USP25: variants seen among roughly 807,000 people sequenced by gnomAD.
The protein encoded by USP25 is ubiquitin carboxyl-terminal hydrolase 25.
USP25 carries 85 observed loss-of-function variants against 158.5 expected under a neutral mutation model. The observed-to-expected ratio is 0.54, with a 90% CI of 0.45 to 0.64. The LOEUF is 0.64. Among genes scored for constraint, USP25 ranks in the 30% least tolerant of loss-of-function variants. The probability of loss-of-function intolerance (pLI) is 0.00; values close to 1 mark genes in which losing one functional copy is unlikely to be tolerated. For synonymous variants in USP25, 464 were observed against 460.4 expected (o/e 1.01, Z -0.10); for missense variants, 1,242 against 1,327.3 (o/e 0.94, Z 1.00).
chr21:15,878,938 A>C lies in USP25; in HGVS notation c.*463A>C, dbSNP rs2040201224. 1 of 152,836 alleles carries C rather than the reference A, an allele frequency of 6.5e-6. No individual in the cohort carries two copies. The highest frequency in any genetic ancestry group is 2.4e-5 in the African/African-American group (1 of 41,442). The allele number at this position is 152,836 out of a possible 1,614,324, so 9.5% of individuals were successfully genotyped here. A position where few individuals can be genotyped will look rare whatever the true frequency, so the allele number is the denominator to read the frequency against. Reference sequence around the variant, plus strand: ...GTGTTTGTAAGCAGGTATATTGTATATTAGTGTATTAGTAATACTAGATAA... The same window carrying C: ...GTGTTTGTAAGCAGGTATATTGTATCTTAGTGTATTAGTAATACTAGATAA... On this transcript the variant is annotated 3_prime_UTR_variant, in exon 26 of 26. Transcript: ENST00000400183.
At chr21:15,858,269 G>A (rs2039254996) in intron 20 of USP25, among the ~76,000 whole-genome samples, 1 of 151,870 alleles carries the variant, frequency 6.6e-6, no homozygotes, top group Non-Finnish European at 1.5e-5. Flanking sequence ...TTAACATGAA[G>A]CAGATAATTT....
rs2040067642 is a variant in USP25 at position 15,875,581 on chromosome 21, G to A, written c.3009+1055G>A. Among the ~76,000 whole-genome samples, 1 of 152,196 alleles carries A rather than the reference G, an allele frequency of 6.6e-6. No homozygotes were observed. The highest frequency in any genetic ancestry group is 2.4e-5 in the African/African-American group (1 of 41,454). ...TGCCATTATGAGAAATATGCACAAT[G>A]ATATGCCTGAAATATTTGGGAAGAA... is the stretch of plus-strand genomic sequence containing the variant. On this transcript the variant is annotated intron_variant, in intron 24 of 25. Coordinates refer to ENST00000400183, the MANE Select transcript of USP25 (RefSeq NM_001283041.3). The surrounding 1 kb of genome is among the most constrained non-coding windows in gnomAD (Gnocchi z 4.7).
At chr21:15,813,849 C>A (rs2036797001) in intron 9 of USP25, among the ~76,000 whole-genome samples, 1 of 151,978 alleles carries the variant, frequency 6.6e-6, no homozygotes, top group African/African-American at 2.4e-5. Flanking sequence ...AGGGATCTTG[C>A]TAAGGTTATT....
chr21:15,733,950 A>G (rs1038122027), intron 1 of USP25, among the ~76,000 whole-genome samples: 1 of 152,214 alleles, frequency 6.6e-6, no homozygotes, highest in South Asian at 2.1e-4. Flanking sequence ...ATAGATCTCA[A>G]CCACCTTTTT....
intron 23 of USP25, among the ~76,000 whole-genome samples, chr21:15,872,024 T>G (rs939122332): frequency 1.5e-4 from 22 of 143,498 alleles, no homozygotes; most frequent in South Asian, 8.8e-4. Flanking sequence ...GTTTTTTTTT[T>G]TTTTTTTTTT....
intron 1 of USP25, among the ~76,000 whole-genome samples, chr21:15,762,516 G>A (rs889721952): frequency 5.9e-5 from 9 of 152,098 alleles, no homozygotes; most frequent in Non-Finnish European, 1.3e-4. Context: ...CTTGCCGAAA[G>A]CATGTCTTTT....
chr21:15,836,230 C>T (rs903290601), intron 17 of USP25, among the ~76,000 whole-genome samples: 2 of 152,100 alleles, frequency 1.3e-5, no homozygotes, highest in Non-Finnish European at 2.9e-5. Context: ...AACATAAGAC[C>T]TCATAAAATT....
chr21:15,866,859 C>T (rs959522565), intron 22 of USP25, among the ~76,000 whole-genome samples: 4 of 152,088 alleles, frequency 2.6e-5, no homozygotes, highest in East Asian at 3.9e-4. Context: ...AAGTAACCTG[C>T]CTAAGGTTTT....
At chr21:15,751,833 T>C (rs1046802552) in intron 1 of USP25, among the ~76,000 whole-genome samples, 8 of 152,226 alleles carry the variant, frequency 5.3e-5, no homozygotes, top group Non-Finnish European at 1.0e-4. Flanking sequence ...TAGTGCTGAG[T>C]AACAGTATTT....
intron 1 of USP25, among the ~76,000 whole-genome samples, chr21:15,760,362 A>G (rs889596811): frequency 6.6e-6 from 1 of 152,206 alleles, no homozygotes; most frequent in Admixed American, 6.5e-5. Context: ...ATTCTGATGC[A>G]TGTTCCACTT....
chr21:15,744,832 C>T (rs2032391781), intron 1 of USP25: 1 of 152,402 alleles, frequency 6.6e-6, no homozygotes, highest in Admixed American at 6.5e-5. Flanking sequence ...AGGTGATCCA[C>T]CTGCCTCAGC....
At chr21:15,822,995 C>A (rs570396504) in intron 10 of USP25, among the ~76,000 whole-genome samples, 2 of 152,034 alleles carry the variant, frequency 1.3e-5, no homozygotes, top group Admixed American at 1.3e-4. Context: ...AGAAAAGTAG[C>A]AACTTTCCAG....
At chr21:15,808,769 TA>T in intron 7 of USP25, 39 bp from the exon 8 acceptor site, 1 of 1,496,628 alleles carries the variant, frequency 6.7e-7, no homozygotes, top group South Asian at 1.3e-5. Context: ...ATTTTTTTTT[TA>T]GTAGGCTCAA....
At chr21:15,753,911 G>A (rs1005577365) in intron 1 of USP25, among the ~76,000 whole-genome samples, 8 of 152,046 alleles carry the variant, frequency 5.3e-5, no homozygotes, top group African/African-American at 1.9e-4. Context: ...GGGGTTTGGG[G>A]CTTCTGGGAG....
chr21:15,732,753 T>G (rs1170497384), intron 1 of USP25, among the ~76,000 whole-genome samples: 2 of 152,222 alleles, frequency 1.3e-5, no homozygotes, highest in Non-Finnish European at 2.9e-5. Context: ...GTAAGTTTTT[T>G]TGTTGTTTGC....
intron 17 of USP25, 24 bp from the exon 18 acceptor site, chr21:15,842,374 A>T (rs1240233902): frequency 6.2e-7 from 1 of 1,610,166 alleles, no homozygotes; most frequent in East Asian, 2.2e-5. Flanking sequence ...TATTAGATAT[A>T]TAATTGATTC....
At chr21:15,811,080 T>C in intron 8 of USP25, 57 bp from the exon 9 acceptor site, 3 of 1,436,504 alleles carry the variant, frequency 2.1e-6, no homozygotes, top group East Asian at 2.3e-5. Flanking sequence ...TTTAATATTT[T>C]CTCTATTTAT....
chr21:15,797,136 A>G (rs1445117680), intron 5 of USP25, among the ~76,000 whole-genome samples: 1 of 151,376 alleles, frequency 6.6e-6, no homozygotes, highest in Admixed American at 6.6e-5. Context: ...CATCAAAGAG[A>G]TACTTTGGAT....
At chr21:15,761,723 G>A (rs1459134243) in intron 1 of USP25, among the ~76,000 whole-genome samples, 3 of 152,204 alleles carry the variant, frequency 2.0e-5, no homozygotes, top group African/African-American at 4.8e-5. Flanking sequence ...AACCCTGGAA[G>A]CATGCCAGTG....
Sources: gnomAD v4.1 joint callset for allele counts (sites outside exome capture counted in the v4.1 genomes callset) on GRCh38, gnomAD v4.1.1 for gene constraint, Gnocchi (gnomAD v3.1) non-coding constraint, MANE v1.5 for transcripts, NCBI Gene and HGNC (gene_info 2026-07-23, HGNC 2026-07-21) for gene names.